NRXN3: variants seen among roughly 807,000 people sequenced by gnomAD.
The protein encoded by NRXN3 is neurexin III.
NRXN3 carries 32 observed loss-of-function variants against 137.6 expected under a neutral mutation model. The observed-to-expected ratio is 0.23, with a 90% CI of 0.18 to 0.31. The LOEUF (loss-of-function observed/expected upper bound fraction) is 0.31. Among genes scored for constraint, NRXN3 ranks in the 10% least tolerant of loss-of-function variants. The pLI is 1.00. For synonymous variants in NRXN3, 798 were observed against 784.5 expected, an observed-to-expected ratio of 1.02 and a Z score of -0.29; for missense variants, 1,574 against 2,062.5, an observed-to-expected ratio of 0.76 and a Z score of 4.59.
intron 2 of NRXN3, among the ~76,000 whole-genome samples, chr14:78,273,425 G>A (rs529344377): frequency 1.3e-5 from 2 of 152,210 alleles, no homozygotes; most frequent in Non-Finnish European, 2.9e-5. Context: ...ATATATGAGA[G>A]GATAAGAGTA....
intron 10 of NRXN3, among the ~76,000 whole-genome samples, chr14:78,811,470 T>C (rs1333724195): frequency 3.9e-5 from 6 of 152,210 alleles, no homozygotes; most frequent in Admixed American, 2.0e-4. Context: ...TTGCTAGACA[T>C]GACTCCATCC....
intron 1 of NRXN3, among the ~76,000 whole-genome samples, chr14:78,238,184 A>G (rs1344987368): frequency 7.6e-6 from 1 of 131,116 alleles, no homozygotes; most frequent in Admixed American, 8.6e-5. Context: ...CAGCCGGCTT[A>G]TGAGACATTT....
intron 15 of NRXN3, among the ~76,000 whole-genome samples, chr14:79,271,143 A>T (rs1413361717): frequency 6.6e-6 from 1 of 152,210 alleles, no homozygotes; most frequent in East Asian, 1.9e-4. Flanking sequence ...TTGAACTAGG[A>T]TGTTCCCAGA....
At chr14:79,361,343 T>C (rs2093673167) in intron 15 of NRXN3, among the ~76,000 whole-genome samples, 1 of 152,200 alleles carries the variant, frequency 6.6e-6, no homozygotes, top group African/African-American at 2.4e-5. Flanking sequence ...AATTAGTTAA[T>C]ACTGAGTCCA....
intron 4 of NRXN3, among the ~76,000 whole-genome samples, chr14:78,596,966 G>A (rs977480376): frequency 6.6e-5 from 10 of 152,326 alleles, no homozygotes; most frequent in East Asian, 1.9e-4. Flanking sequence ...AAAAACGTTC[G>A]TTGTTATTTG....
intron 19 of NRXN3, among the ~76,000 whole-genome samples, chr14:79,766,131 A>G (rs999172699): frequency 5.3e-5 from 8 of 152,292 alleles, no homozygotes; most frequent in Admixed American, 5.2e-4. Flanking sequence ...GTTTCATTTT[A>G]TATATAATAT....
intron 1 of NRXN3, among the ~76,000 whole-genome samples, chr14:78,212,226 T>C (rs1345621443): frequency 1.3e-5 from 2 of 152,244 alleles, no homozygotes; most frequent in African/African-American, 2.4e-5. Context: ...TTATCTTTGA[T>C]TGCATGTTGG....
intron 8 of NRXN3, among the ~76,000 whole-genome samples, chr14:78,781,976 G>C (rs936256286): frequency 7.9e-5 from 12 of 152,088 alleles, no homozygotes; most frequent in African/African-American, 2.9e-4. Context: ...TTCCATCCTT[G>C]ACCTTCTCGT....
At chr14:79,708,672 T>C (rs1276143292) in intron 19 of NRXN3, among the ~76,000 whole-genome samples, 1 of 152,142 alleles carries the variant, frequency 6.6e-6, no homozygotes, top group African/African-American at 2.4e-5. Context: ...GTTTGAATGA[T>C]TGTAAAAATT....
intron 4 of NRXN3, among the ~76,000 whole-genome samples, chr14:78,484,858 G>A (rs1420593283): frequency 2.6e-5 from 4 of 152,162 alleles, no homozygotes; most frequent in Non-Finnish European, 5.9e-5. Context: ...AAAGCAAGGG[G>A]TGGGGAAATT....
intron 20 of NRXN3, among the ~76,000 whole-genome samples, chr14:79,822,774 TA>T (rs35604873): frequency 6.6e-6 from 1 of 151,574 alleles, no homozygotes; most frequent in Non-Finnish European, 1.5e-5. Context: ...TAATTTCAGT[TA>T]AAAAAATAGA....
intron 4 of NRXN3, among the ~76,000 whole-genome samples, chr14:78,377,540 G>A (rs906766025): frequency 6.6e-6 from 1 of 152,224 alleles, no homozygotes; most frequent in African/African-American, 2.4e-5. Context: ...GTATGAGTCT[G>A]CTAGGGATGC....
chr14:79,387,670 C>A (rs2094681052), intron 15 of NRXN3, among the ~76,000 whole-genome samples: 1 of 151,260 alleles, frequency 6.6e-6, no homozygotes, highest in Non-Finnish European at 1.5e-5. Flanking sequence ...TTTATTGCAG[C>A]ACTATTCACA....
At chr14:79,395,232 A>G (rs964782474) in intron 15 of NRXN3, among the ~76,000 whole-genome samples, 3 of 152,180 alleles carry the variant, frequency 2.0e-5, no homozygotes, top group Non-Finnish European at 4.4e-5. Flanking sequence ...GTGACTTGAC[A>G]TCTGGGTGGC....
At chr14:78,310,638 A>C (rs985125923) in intron 4 of NRXN3, among the ~76,000 whole-genome samples, 1 of 152,112 alleles carries the variant, frequency 6.6e-6, no homozygotes, top group Non-Finnish European at 1.5e-5. Flanking sequence ...AACCTGGAAT[A>C]CTAGATCTCC....
chr14:79,448,731 A>C (rs926221544), intron 15 of NRXN3, among the ~76,000 whole-genome samples: 2 of 152,214 alleles, frequency 1.3e-5, no homozygotes, highest in East Asian at 3.9e-4. Context: ...ATGTGTGTAC[A>C]TGTACACACT....
chr14:79,433,568 G>T (rs1451675674), intron 15 of NRXN3, among the ~76,000 whole-genome samples: 3 of 152,010 alleles, frequency 2.0e-5, no homozygotes, highest in Admixed American at 2.0e-4. Flanking sequence ...TCTTTTTCTT[G>T]TATTCCAGAT....
At chr14:78,915,965 G>A (rs1357071657) in intron 10 of NRXN3, among the ~76,000 whole-genome samples, 1 of 152,116 alleles carries the variant, frequency 6.6e-6, no homozygotes, top group African/African-American at 2.4e-5. Context: ...GTCTTTGTAA[G>A]AAGAGAATGT....
At position 79,048,721 on chromosome 14, in the gene NRXN3, G is replaced by A. The variant is rs578078934; in HGVS notation, c.3262+60580G>A. 4.6e-5 allele frequency among the ~76,000 whole-genome samples: 7 copies of A among 151,362 alleles called. No homozygotes were observed. In the East Asian group the frequency reaches 1.4e-3, roughly 30 times the overall value. ...GTGGTGGCTGCTGAAGGTTGGGGTG[G>A]CTATGGCAATTTCTTAAAATAGGCC... is the stretch of plus-strand genomic sequence containing the variant. On this transcript the variant is annotated intron_variant, in intron 15 of 20. Coordinates refer to ENST00000335750, the MANE Select transcript of NRXN3 (RefSeq NM_001330195.2).
Sources: allele counts gnomAD v4.1 joint callset (sites outside exome capture counted in the v4.1 genomes callset), GRCh38; gene constraint gnomAD v4.1.1; transcripts MANE v1.5; gene names NCBI Gene and HGNC (gene_info 2026-07-23, HGNC 2026-07-21).